Variants in MIB1 observed in about 807,000 individuals in gnomAD.
MIB1 encodes the protein E3 ubiquitin-protein ligase MIB1.
MIB1 carries 278 observed loss-of-function variants against 124.5 expected under a neutral mutation model. The observed-to-expected ratio is 2.23, with a 90% CI of 2.02 to 2.47. The LOEUF (loss-of-function observed/expected upper bound fraction) is 2.47, where lower values mean the gene tolerates loss of function less well. MIB1 is among the 30% of genes most tolerant of loss of function. The probability of loss-of-function intolerance (pLI) is 0.00; values close to 1 mark genes in which losing one functional copy is unlikely to be tolerated. For synonymous variants in MIB1, 446 were observed against 429.4 expected (o/e 1.04, Z -0.48); for missense variants, 957 against 1,254.4 (o/e 0.76, Z 3.58).
intron 1 of MIB1, among the ~76,000 whole-genome samples, chr18:21,721,309 T>C (rs1435950272): frequency 6.6e-6 from 1 of 151,120 alleles, no homozygotes; most frequent in African/African-American, 2.4e-5. Context: ...GCCTCCTAAG[T>C]AGCTGGGATT....
intron 1 of MIB1, among the ~76,000 whole-genome samples, chr18:21,759,725 AGAGATTTTT>A (rs1426171779): frequency 1.3e-5 from 2 of 152,206 alleles, no homozygotes; most frequent in Admixed American, 6.5e-5. Context: ...GTGATAATTT[AGAGATTTTT>A]GTTCTGTTGA....
intron 9 of MIB1, among the ~76,000 whole-genome samples, chr18:21,801,150 A>T (rs925552499): frequency 2.0e-5 from 3 of 152,048 alleles, no homozygotes; most frequent in Admixed American, 1.3e-4. Flanking sequence ...GATAGCCTTC[A>T]TATTTACCTC....
intron 18 of MIB1, among the ~76,000 whole-genome samples, chr18:21,856,154 C>A (rs1283795558): frequency 1.3e-5 from 2 of 149,176 alleles, no homozygotes; most frequent in Non-Finnish European, 3.0e-5. Flanking sequence ...GGCGTGAACC[C>A]GGGAAGCGGA....
At chr18:21,797,831 A>G (rs2041601507) in intron 7 of MIB1, among the ~76,000 whole-genome samples, 2 of 152,070 alleles carry the variant, frequency 1.3e-5, no homozygotes, top group South Asian at 4.1e-4. Context: ...ATAGATGTTT[A>G]TGAACTCGTA....
chr18:21,739,731 G>GT (rs1470657156), upstream of MIB1, among the ~76,000 whole-genome samples: 3 of 151,472 alleles, frequency 2.0e-5, no homozygotes, highest in Non-Finnish European at 2.9e-5. Context: ...GCTCCCCACT[G>GT]CCCCCCCGCT....
At chr18:21,763,999 T>G (rs1301845519) in intron 1 of MIB1, among the ~76,000 whole-genome samples, 1 of 152,058 alleles carries the variant, frequency 6.6e-6, no homozygotes, top group Admixed American at 6.6e-5. Flanking sequence ...GGCATGAACA[T>G]GGCTCTAAGA....
intron 10 of MIB1, among the ~76,000 whole-genome samples, chr18:21,809,991 CA>C (rs919626755): frequency 2.0e-5 from 3 of 151,854 alleles, no homozygotes; most frequent in East Asian, 1.9e-4. Flanking sequence ...AAGATTTCAA[CA>C]AAAAAACTTT....
chr18:21,759,266 G>A (rs893116117), intron 1 of MIB1, among the ~76,000 whole-genome samples: 1 of 150,976 alleles, frequency 6.6e-6, no homozygotes, highest in Non-Finnish European at 1.5e-5. Context: ...TTTTTGAGAC[G>A]GAGTTTGGCT....
At chr18:21,743,842 CTA>C (rs1364090902) in intron 1 of MIB1, among the ~76,000 whole-genome samples, 1 of 151,956 alleles carries the variant, frequency 6.6e-6, no homozygotes, top group East Asian at 1.9e-4. Flanking sequence ...TTAATGTTAT[CTA>C]TATGTTTGTA....
intron 1 of MIB1, among the ~76,000 whole-genome samples, chr18:21,726,862 C>T (rs1472729696): frequency 1.3e-5 from 2 of 152,126 alleles, no homozygotes; most frequent in African/African-American, 2.4e-5. Flanking sequence ...ATGTGAGACT[C>T]ACAGCAAAGT....
chr18:21,746,936 A>C (rs1216621491), intron 1 of MIB1, among the ~76,000 whole-genome samples: 1 of 152,176 alleles, frequency 6.6e-6, no homozygotes, highest in African/African-American at 2.4e-5. Flanking sequence ...AAAAAATGAA[A>C]TGAATTAATA....
intron 12 of MIB1, chr18:21,831,473 A>G (rs968359499): frequency 6.6e-6 from 1 of 152,250 alleles, no homozygotes. Flanking sequence ...TCCCAGGCAA[A>G]CAGGCTCTCT....
intron 1 of MIB1, among the ~76,000 whole-genome samples, chr18:21,755,423 C>G (rs567347612): frequency 3.9e-5 from 6 of 152,018 alleles, no homozygotes; most frequent in East Asian, 1.9e-4. Flanking sequence ...CCTCTGCCTC[C>G]CAGGTTCAAG....
intron 6 of MIB1, among the ~76,000 whole-genome samples, chr18:21,780,300 C>G (rs1020413361): frequency 9.9e-5 from 15 of 152,040 alleles, no homozygotes; most frequent in Admixed American, 9.8e-4. Context: ...TAACTATAGT[C>G]GCCCAACTGT....
At position 21,779,572 on chromosome 18, in the gene MIB1, G is replaced by A. The variant is rs1598606497; in HGVS notation, c.795G>A (p.Gln265=). 1.9e-6 allele frequency: 3 copies of A among 1,614,044 alleles called. No individual in the cohort carries two copies. The highest frequency in any genetic ancestry group is 3.3e-4 in the Middle Eastern group (2 of 6,062). The part of the protein sequence containing the change: ...DLDLEIVQSL[Q]HGHGGWTDGM... ...ACCTCGAAATTGTACAGTCTTTGCA[G>A]CATGGTCATGGAGGATGGACTGATG... is the stretch of plus-strand genomic sequence containing the variant. Residue 265 remains glutamine, a synonymous_variant, in exon 6 of 21, where the codon CAG becomes CAA. Coordinates refer to ENST00000261537, the MANE Select transcript of MIB1 (RefSeq NM_020774.4).
chr18:21,718,255 G>A lies in MIB1; in HGVS notation n.167+13132G>A, dbSNP rs574732038. 2.0e-5 allele frequency among the ~76,000 whole-genome samples: 3 copies of A among 151,976 alleles called. No homozygotes were observed. In the South Asian group the frequency reaches 6.2e-4, roughly 32 times the overall value. On this transcript the variant is annotated intron_variant and non_coding_transcript_variant, in intron 1 of 20. Transcript: ENST00000578646. ...ACTCAGGGGGAAAGGGTGGATAGGG[G>A]GTGAGGGATAAAAAACTACAAATTG... is the stretch of plus-strand genomic sequence containing the variant.
intron 7 of MIB1, among the ~76,000 whole-genome samples, chr18:21,794,442 CCT>C (rs147293733): frequency 0.05 from 7,195 of 144,278 alleles, 422 homozygotes; most frequent in African/African-American, 0.15. Flanking sequence ...CATTAAATAG[CCT>C]CTCTCTCTCT....
chr18:21,835,466 A>C (rs1472662981), intron 12 of MIB1, among the ~76,000 whole-genome samples: 2 of 152,152 alleles, frequency 1.3e-5, no homozygotes, highest in Non-Finnish European at 1.5e-5. Flanking sequence ...AGGGTAATCA[A>C]GATCAAGAAT....
chr18:21,836,506 C>T (rs1003633944), intron 12 of MIB1, among the ~76,000 whole-genome samples: 6 of 151,784 alleles, frequency 4.0e-5, no homozygotes, highest in African/African-American at 9.7e-5. Flanking sequence ...TTTTTTGTCC[C>T]GACCAACAAC....
Sources: gnomAD v4.1 joint callset for allele counts (sites outside exome capture counted in the v4.1 genomes callset) on GRCh38, gnomAD v4.1.1 for gene constraint, MANE v1.5 for transcripts, NCBI Gene and HGNC (gene_info 2026-07-23, HGNC 2026-07-21) for gene names.